Variants in KLRD1 observed in about 807,000 individuals in gnomAD.
KLRD1 encodes natural killer cells antigen CD94.
A neutral mutation model predicts 22.6 loss-of-function variants in KLRD1; 21 were observed. That is an observed-to-expected ratio of 0.93 (90% confidence interval 0.66 to 1.34). The LOEUF (loss-of-function observed/expected upper bound fraction) is 1.34. Among genes scored for constraint, KLRD1 ranks in the 40% most tolerant of loss-of-function variants. KLRD1 has a pLI of 0.00. For missense variants in KLRD1, 183 were observed against 208.6 expected (o/e 0.88, Z 0.76); for synonymous variants, 59 against 71.1 (o/e 0.83, Z 0.85).
At chr12:10,239,567 C>CTT (rs1248087908) in intron 1 of KLRD1, among the ~76,000 whole-genome samples, 2 of 129,378 alleles carry the variant, frequency 1.5e-5, no homozygotes, top group East Asian at 2.2e-4. Flanking sequence ...TTCTTTCTTT[C>CTT]TTTCTTTCTT....
intron 1 of KLRD1, among the ~76,000 whole-genome samples, chr12:10,262,684 C>G (rs952044764): frequency 6.6e-6 from 1 of 152,130 alleles, no homozygotes; most frequent in Admixed American, 6.5e-5. Context: ...TATTCAGGAT[C>G]TCTTTAAGAC....
At chr12:10,271,838 G>A (rs903253893) in intron 1 of KLRD1, among the ~76,000 whole-genome samples, 1 of 141,854 alleles carries the variant, frequency 7.0e-6, no homozygotes, top group Non-Finnish European at 1.5e-5. Flanking sequence ...TTTGCTTTGT[G>A]AAATGTGGTA....
At chr12:10,289,421 A>C (rs1949744401) in intron 1 of KLRD1, among the ~76,000 whole-genome samples, 1 of 152,220 alleles carries the variant, frequency 6.6e-6, no homozygotes, top group East Asian at 1.9e-4. Flanking sequence ...CTGGCTTCAT[A>C]AACTTCTTTC....
At chr12:10,285,861 G>C (rs1028421817) in intron 1 of KLRD1, among the ~76,000 whole-genome samples, 1 of 152,050 alleles carries the variant, frequency 6.6e-6, no homozygotes, top group African/African-American at 2.4e-5. Flanking sequence ...ACACTTGCTG[G>C]AATAACAAAA....
intron 1 of KLRD1, among the ~76,000 whole-genome samples, chr12:10,291,595 T>G (rs983649133): frequency 6.8e-6 from 1 of 147,052 alleles, no homozygotes; most frequent in Middle Eastern, 3.4e-3. Flanking sequence ...TGTCACAAGA[T>G]TGCATCAATT....
chr12:10,267,961 CA>C (rs1201931721), intron 1 of KLRD1, among the ~76,000 whole-genome samples: 3 of 152,084 alleles, frequency 2.0e-5, no homozygotes, highest in African/African-American at 7.2e-5. Context: ...AGCTGTGGAC[CA>C]AGTATGGAAG....
intron 1 of KLRD1, among the ~76,000 whole-genome samples, chr12:10,246,179 C>T (rs1373156556): frequency 2.6e-5 from 4 of 151,978 alleles, no homozygotes; most frequent in African/African-American, 7.3e-5. Context: ...TTTCTTGGTT[C>T]TGTGTGTTTA....
At chr12:10,312,095 C>G (rs1377060015) in intron 4 of KLRD1, among the ~76,000 whole-genome samples, 1 of 146,488 alleles carries the variant, frequency 6.8e-6, no homozygotes, top group Non-Finnish European at 1.5e-5. Context: ...CTCTGTTGCC[C>G]AGGCTGGAGT....
At chr12:10,257,437 T>G (rs1028982636) in intron 1 of KLRD1, among the ~76,000 whole-genome samples, 31 of 150,994 alleles carry the variant, frequency 2.1e-4, no homozygotes, top group Middle Eastern at 3.4e-3. Context: ...TTTCTTGTCT[T>G]CTGACTCAGT....
At chr12:10,248,530 T>TCTCCTTCC (rs1949313676) in intron 1 of KLRD1, among the ~76,000 whole-genome samples, 1 of 96,586 alleles carries the variant, frequency 1.0e-5, no homozygotes, top group Non-Finnish European at 2.1e-5. Context: ...TGTATTTTCT[T>TCTCCTTCC]TTCCTTCCTT....
At chr12:10,281,156 A>G (rs1446207120) in intron 1 of KLRD1, among the ~76,000 whole-genome samples, 1 of 152,158 alleles carries the variant, frequency 6.6e-6, no homozygotes, top group Non-Finnish European at 1.5e-5. Flanking sequence ...AGGGATGCAG[A>G]GGGAGATTTG....
At chr12:10,296,206 A>G (rs1027204520) in intron 1 of KLRD1, among the ~76,000 whole-genome samples, 1 of 152,174 alleles carries the variant, frequency 6.6e-6, no homozygotes, top group Non-Finnish European at 1.5e-5. Context: ...AGATATCATG[A>G]GGTAGAATCT....
At chr12:10,248,361 G>A (rs533453017) in intron 1 of KLRD1, among the ~76,000 whole-genome samples, 2 of 151,988 alleles carry the variant, frequency 1.3e-5, no homozygotes, top group African/African-American at 4.8e-5. Context: ...TTAAAAAAAT[G>A]GTACATGACT....
At chr12:10,289,852 C>T (rs965531547) in intron 1 of KLRD1, among the ~76,000 whole-genome samples, 26 of 152,284 alleles carry the variant, frequency 1.7e-4, no homozygotes, top group Admixed American at 7.8e-4. Flanking sequence ...AGTCTTGGCT[C>T]ACTGCAACCT....
rs1007355899 is a variant in KLRD1 at position 10,265,812 on chromosome 12, G to A, written c.-101+39579G>A. ...CCATACCGCTACATCTGATATTTAC[G>A]ACCTTGTGTCTAACATGTCCCTGTA... On this transcript the variant is annotated intron_variant, in intron 1 of 5. Coordinates refer to the KLRD1 transcript ENST00000544747. Among the ~76,000 whole-genome samples the A allele has an allele frequency of 3.3e-5, 5 of 152,134 alleles. No individual in the cohort carries two copies. In the East Asian group the frequency reaches 7.7e-4, roughly 23 times the overall value.
At chr12:10,268,830 G>C (rs12099556) in intron 1 of KLRD1, among the ~76,000 whole-genome samples, 85 of 152,162 alleles carry the variant, frequency 5.6e-4, no homozygotes, top group Middle Eastern at 3.4e-3. Flanking sequence ...AGTTAAATAC[G>C]TTTGTATTTA....
At chr12:10,303,089 G>A (rs1224235668), upstream of KLRD1, among the ~76,000 whole-genome samples, 1 of 152,194 alleles carries the variant, frequency 6.6e-6, no homozygotes, top group East Asian at 1.9e-4. Flanking sequence ...TTGGAAGTCA[G>A]AAGCAAGATT....
Position 10,296,536 on chromosome 12 carries a change from C to CCA in KLRD1, c.-100-11427_-100-11426dup, listed in dbSNP as rs542167116. On this transcript the variant is annotated intron_variant, in intron 1 of 5. Coordinates refer to the KLRD1 transcript ENST00000544747. The stretch of plus-strand genomic sequence containing the variant: ...GTCTCAAAAATAAAAATAAAAAAAA[C>CCA]CACACACACACACACAAAAACATAC... 9.7e-3 allele frequency among the ~76,000 whole-genome samples: 1,462 copies of CCA among 150,766 alleles called. 29 individuals are homozygous for CCA. The highest frequency in any genetic ancestry group is 0.033 in the African/African-American group (1,345 of 41,116).
rs1003229944 is a variant in KLRD1, at chr12:10,323,221, C to T, written c.*8428C>T. 1.3e-5 allele frequency: 2 copies of T among 152,162 alleles called. No individual in the cohort carries two copies. Among genetic ancestry groups the T allele is most frequent in the East Asian group, 1.9e-4 (1 of 5,186 alleles). The allele number at this position is 152,162 out of a possible 1,614,324, so 9.4% of individuals were successfully genotyped here. On this transcript the variant is annotated 3_prime_UTR_variant, in exon 6 of 6. Transcript: ENST00000336164. ...AGTCATAAGCTGTCATATATTTAGG[C>T]CCTTTAGTTCACGCTTTAAAAACTA... is the stretch of plus-strand genomic sequence containing the variant.
Sources: allele counts gnomAD v4.1 joint callset (sites outside exome capture counted in the v4.1 genomes callset), GRCh38; gene constraint gnomAD v4.1.1; transcripts MANE v1.5; gene names NCBI Gene and HGNC (gene_info 2026-07-23, HGNC 2026-07-21).